Variants in AACS observed in about 807,000 individuals in gnomAD.
AACS encodes the protein acetoacetyl-CoA synthetase.
AACS carries 69 observed loss-of-function variants against 83.1 expected under a neutral mutation model. That is an observed-to-expected ratio of 0.83 (90% CI 0.68 to 1.01). The LOEUF (loss-of-function observed/expected upper bound fraction) is 1.01, where lower values mean the gene tolerates loss of function less well. Among genes scored for constraint, AACS ranks in the 50% least tolerant of loss-of-function variants. AACS has a pLI of 0.00. For synonymous variants in AACS, 333 were observed against 343.4 expected (o/e 0.97, Z 0.33); for missense variants, 866 against 882.2 (o/e 0.98, Z 0.23).
Position 125,086,322 on chromosome 12 carries a change from CT to C in AACS, c.359-6del. On this transcript the variant is annotated splice_polypyrimidine_tract_variant and splice_region_variant and intron_variant, in intron 3 of 17. Transcript: ENST00000316519. ...TCTGTGTACAATTTACCCTTTTTCT[CT>C]TCCCAGGGGAAGGCAAAGAGGAAAT... 1 of 1,611,826 alleles carries C rather than the reference CT, an allele frequency of 6.2e-7. No homozygotes were observed.
At chr12:125,138,286 A>G (rs555811728) in intron 17 of AACS, 1 of 152,138 alleles carries the variant, frequency 6.6e-6, no homozygotes, top group Non-Finnish European at 1.5e-5. Context: ...CTGGTTCTGC[A>G]TGGGAAGAGC....
At chr12:125,125,616 C>T (rs1016632164) in intron 12 of AACS, 22 of 152,548 alleles carry the variant, frequency 1.4e-4, no homozygotes, top group African/African-American at 4.8e-4. Flanking sequence ...AGGCAAATTC[C>T]CCAAAATAGA....
intron 8 of AACS, among the ~76,000 whole-genome samples, chr12:125,108,863 C>CTT (rs60511961): frequency 7.1e-5 from 9 of 126,392 alleles, no homozygotes; most frequent in Non-Finnish European, 1.3e-4. Flanking sequence ...ATTTTTGTGG[C>CTT]TTTTTTTTTT....
intron 9 of AACS, among the ~76,000 whole-genome samples, chr12:125,115,617 AT>A (rs1479395197): frequency 6.6e-6 from 1 of 152,204 alleles, no homozygotes; most frequent in Non-Finnish European, 1.5e-5. Context: ...TGTGAGGTCA[AT>A]GCCCAGGGCC....
chr12:125,086,183 A>G (rs1956335009), intron 3 of AACS, 147 bp from the exon 4 acceptor site: 2 of 654,000 alleles, frequency 3.1e-6, no homozygotes, highest in Non-Finnish European at 5.3e-6. Context: ...GTTGACCTGT[A>G]TCTTGCTTGT....
At position 125,065,511 on chromosome 12, in the gene AACS, G is replaced by C. The variant is rs1414013975; in HGVS notation, c.-74G>C. The C allele has an allele frequency of 1.5e-6, 2 of 1,359,782 alleles. No homozygotes were observed. The highest frequency in any genetic ancestry group is 6.2e-5 in the East Asian group (2 of 32,322). 84.2% of individuals were successfully genotyped at this position (1,359,782 alleles called of 1,614,324 possible). A position where few individuals can be genotyped will look rare whatever the true frequency, so the allele number is the denominator to read the frequency against. On this transcript the variant is annotated 5_prime_UTR_variant, in exon 1 of 18. Coordinates refer to ENST00000316519, the MANE Select transcript of AACS (RefSeq NM_023928.5). ...CTGACCGTCGCTTCCTCCGGTCCCAGGTCCCCGGCCCTCGCCTCAGCCCCG... is the reference window on the plus strand; with the variant it reads ...CTGACCGTCGCTTCCTCCGGTCCCACGTCCCCGGCCCTCGCCTCAGCCCCG...
intron 1 of AACS, among the ~76,000 whole-genome samples, chr12:125,069,304 T>C (rs1327891681): frequency 1.3e-5 from 2 of 152,354 alleles, no homozygotes; most frequent in Admixed American, 6.5e-5. Flanking sequence ...GCTCCCGCCC[T>C]GCAGGCTTCA....
At position 125,124,903 on chromosome 12, in the gene AACS, G is replaced by A. The variant is rs1217791739; in HGVS notation, c.1188G>A (p.Val396=). 3.1e-6 allele frequency: 5 copies of A among 1,614,050 alleles called. No individual in the cohort carries two copies. The Admixed American group carries it at 6.7e-5, about 22-fold the overall frequency. The change falls in exon 12 of 18, where the codon GTG becomes GTA. Residue 396 remains valine (V), a splice_region_variant and synonymous_variant. Coordinates refer to ENST00000316519, the MANE Select transcript of AACS (RefSeq NM_023928.5). The part of the protein sequence containing the change: ...SVLEEKAMKP[V]ETHSLQMLHT... ...TCTTTTGGTGACTCTGCACCCCAGT[G>A]GAAACCCACAGTCTCCAGATGCTCC...
chr12:125,134,707 T>C, intron 15 of AACS, 87 bp from the exon 16 acceptor site: 1 of 1,457,574 alleles, frequency 6.9e-7, no homozygotes, highest in Non-Finnish European at 9.6e-7. Context: ...CATGGGAAAG[T>C]GGGGGGTGAC....
chr12:125,065,467 C>G lies in AACS; in HGVS notation c.-118C>G. ...TGTTCCCCGCCGCCGCCGTCGCTGA[C>G]CCAGCCCGCCAGGCGCTCCTGACCG... On this transcript the variant is annotated 5_prime_UTR_variant, in exon 1 of 18. Transcript: ENST00000316519. 1 of 1,162,382 alleles carries G rather than the reference C, an allele frequency of 8.6e-7. No homozygotes were observed. Among genetic ancestry groups the G allele is most frequent in the Non-Finnish European group, 1.1e-6 (1 of 888,982 alleles). 72.0% of individuals were successfully genotyped at this position (1,162,382 alleles called of 1,614,324 possible). A position where few individuals can be genotyped will look rare whatever the true frequency, so the allele number is the denominator to read the frequency against.
At chr12:125,100,359 T>C (rs953230709) in intron 5 of AACS, among the ~76,000 whole-genome samples, 1 of 152,256 alleles carries the variant, frequency 6.6e-6, no homozygotes, top group Admixed American at 6.5e-5. Context: ...TCTTTTTCTT[T>C]CCCTGGCTAC....
chr12:125,107,359 C>T, intron 8 of AACS, 91 bp downstream of exon 8: 1 of 1,512,458 alleles, frequency 6.6e-7, no homozygotes, highest in South Asian at 1.2e-5. Flanking sequence ...TTGGAGTTGT[C>T]AAACTGCACC....
chr12:125,132,485 C>A (rs996680285), intron 14 of AACS, among the ~76,000 whole-genome samples: 2 of 152,176 alleles, frequency 1.3e-5, no homozygotes, highest in Non-Finnish European at 2.9e-5. Flanking sequence ...CTCTCATCTT[C>A]CAGGGCTGCC....
chr12:125,118,528 C>T, intron 9 of AACS, 113 bp from the exon 10 acceptor site: 1 of 1,455,186 alleles, frequency 6.9e-7, no homozygotes, highest in Non-Finnish European at 9.2e-7. Context: ...GAAGTTAGCA[C>T]CAACCTGTGG....
intron 4 of AACS, 150 bp from the exon 5 acceptor site, chr12:125,091,276 A>T (rs1339737577): frequency 2.0e-5 from 14 of 706,512 alleles, no homozygotes; most frequent in Non-Finnish European, 3.2e-5. Context: ...CAGGCGATTC[A>T]TCTGGGCGGG....
At chr12:125,082,691 G>A (rs148457790) in intron 3 of AACS, among the ~76,000 whole-genome samples, 1,769 of 152,110 alleles carry the variant, frequency 0.012, 11 homozygotes, top group Middle Eastern at 0.021. Context: ...TGTGGTGGCG[G>A]GTGCCTGTAG....
In AACS at chr12:125,142,312, A is replaced by G; in HGVS notation, c.*83A>G. The G allele has an allele frequency of 6.4e-7, 1 of 1,556,774 alleles. No homozygotes were observed. The highest frequency in any genetic ancestry group is 1.2e-5 in the South Asian group (1 of 85,256). ...CTCAAGAAATTATACAGAAACCTAC[A>G]GCTGTTGTAAAAGGATGCTCGCACC... On this transcript the variant is annotated 3_prime_UTR_variant, in exon 18 of 18. Transcript: ENST00000316519.
At chr12:125,091,257 G>A in intron 4 of AACS, 169 bp from the exon 5 acceptor site, 1 of 649,126 alleles carries the variant, frequency 1.5e-6, no homozygotes, top group South Asian at 1.8e-5. Context: ...GGAGTTGACA[G>A]GCTGGCAGCA....
At position 125,130,363 on chromosome 12, in the gene AACS, C is replaced by G. The variant is rs1355130640; in HGVS notation, c.1549+903C>G. Among the ~76,000 whole-genome samples, 2 of 152,270 alleles carry G rather than the reference C, an allele frequency of 1.3e-5. No homozygotes were observed. Among genetic ancestry groups the G allele is most frequent in the African/African-American group, 4.8e-5 (2 of 41,474 alleles). ...GCATACCTGCTGCACCTATGCCCCA[C>G]CTTGGCTCCTGCCGTGAGCAGCTGT... On this transcript the variant is annotated intron_variant, in intron 14 of 17. Coordinates refer to ENST00000316519, the MANE Select transcript of AACS (RefSeq NM_023928.5). The surrounding 1 kb of genome is among the most constrained non-coding windows in gnomAD (Gnocchi z 4.9).
Sources: gnomAD v4.1 joint callset for allele counts (sites outside exome capture counted in the v4.1 genomes callset) on GRCh38, gnomAD v4.1.1 for gene constraint, Gnocchi (gnomAD v3.1) non-coding constraint, MANE v1.5 for transcripts, NCBI Gene and HGNC (gene_info 2026-07-23, HGNC 2026-07-21) for gene names.